MYO1E: variants seen among roughly 807,000 people sequenced by gnomAD.
MYO1E encodes unconventional myosin-Ie.
MYO1E carries 68 observed loss-of-function variants against 151.1 expected under a neutral mutation model. The ratio of observed to expected loss-of-function variants is 0.45; its 90% CI spans 0.37 to 0.55. MYO1E has a LOEUF of 0.55. Ranked by LOEUF, MYO1E falls within the 20% of genes least tolerant of loss-of-function variation. MYO1E has a pLI of 0.00. For synonymous variants in MYO1E, 601 were observed against 501.7 expected (o/e 1.20, Z -2.64); for missense variants, 1,363 against 1,389.3 (o/e 0.98, Z 0.30).
chr15:59,297,009 G>A (rs1393790611), intron 1 of MYO1E, among the ~76,000 whole-genome samples: 1 of 19,932 alleles, frequency 5.0e-5, no homozygotes, highest in African/African-American at 9.2e-5. Flanking sequence ...CCGGCTAATC[G>A]CCCGGCTAAT....
chr15:59,286,385 T>C (rs2080387951), intron 1 of MYO1E, among the ~76,000 whole-genome samples: 1 of 152,242 alleles, frequency 6.6e-6, no homozygotes, highest in Non-Finnish European at 1.5e-5. Context: ...GAATAAGAAC[T>C]CAATTTTTAA....
At chr15:59,326,532 T>C (rs1203955575) in intron 1 of MYO1E, among the ~76,000 whole-genome samples, 2 of 152,112 alleles carry the variant, frequency 1.3e-5, no homozygotes, top group African/African-American at 4.8e-5. Flanking sequence ...AAAAAAAGGA[T>C]TATTTGGGTG....
intron 10 of MYO1E, 129 bp downstream of exon 10, chr15:59,217,762 C>T: frequency 9.6e-7 from 1 of 1,040,144 alleles, no homozygotes; most frequent in Non-Finnish European, 1.5e-6. Context: ...TCCTGGGCTG[C>T]AGTGATCCTC....
At chr15:59,197,124 C>G (rs1398412465) in intron 16 of MYO1E, among the ~76,000 whole-genome samples, 1 of 150,932 alleles carries the variant, frequency 6.6e-6, no homozygotes, top group Non-Finnish European at 1.5e-5. Context: ...TCCCGAGTAG[C>G]TGGGACTACA....
rs1237441978 is a variant in MYO1E, at chr15:59,138,280, G to A, written c.3168C>T (p.Cys1056=). ...QPKPKPQVPQ[C]KALYAYDAQD... is the part of the protein sequence containing the mutation. ...GAGCGTCATAGGCATACAAAGCCTT[G>A]CACTGTGGCACCTGAGGCTTGGGCT... The change falls in exon 27 of 28, where the codon TGC becomes TGT. Residue 1056 remains cysteine, a synonymous_variant. Transcript: ENST00000288235. 6.2e-7 allele frequency: 1 copy of A among 1,614,098 alleles called. No homozygotes were observed. The highest frequency in any genetic ancestry group is 8.5e-7 in the Non-Finnish European group (1 of 1,180,026).
intron 1 of MYO1E, among the ~76,000 whole-genome samples, chr15:59,277,589 C>T (rs1194098738): frequency 6.8e-6 from 1 of 146,312 alleles, no homozygotes; most frequent in African/African-American, 2.6e-5. Context: ...AAGCCTCATC[C>T]TCTTTGAGCC....
At chr15:59,196,646 A>C (rs1257838795) in intron 16 of MYO1E, among the ~76,000 whole-genome samples, 1 of 152,210 alleles carries the variant, frequency 6.6e-6, no homozygotes, top group Non-Finnish European at 1.5e-5. Flanking sequence ...AAAACTATTG[A>C]GTATATTCAA....
chr15:59,337,199 T>TGG (rs1460975169), intron 1 of MYO1E, among the ~76,000 whole-genome samples: 1 of 152,176 alleles, frequency 6.6e-6, no homozygotes, highest in African/African-American at 2.4e-5. Context: ...AGGGAACTGA[T>TGG]TAAGATGACA....
At chr15:59,354,499 T>C (rs371204474) in intron 1 of MYO1E, among the ~76,000 whole-genome samples, 1 of 152,148 alleles carries the variant, frequency 6.6e-6, no homozygotes. Context: ...AAGCCCTCGC[T>C]TGGGGTCACA....
intron 9 of MYO1E, among the ~76,000 whole-genome samples, chr15:59,219,924 T>C (rs540226311): frequency 6.6e-6 from 1 of 152,346 alleles, no homozygotes; most frequent in African/African-American, 2.4e-5. Context: ...GAGAAACTTC[T>C]TTGCGATGTG....
Position 59,133,481 on chromosome 15 carries a change from TTAGAAAGGGTGCTCAGAG to T in MYO1E, c.*3881_*3898del, listed in dbSNP as rs879387564. 24 of 136,118 alleles carry T rather than the reference TTAGAAAGGGTGCTCAGAG, an allele frequency of 1.8e-4. No individual in the cohort carries two copies. The highest frequency in any genetic ancestry group is 4.9e-4 in the East Asian group (2 of 4,100). 8.4% of individuals were successfully genotyped at this position (136,118 alleles called of 1,614,324 possible). On this transcript the variant is annotated 3_prime_UTR_variant, in exon 28 of 28. Transcript: ENST00000288235. ...GAACCATACTGAGCCAGTCTTCTTG[TTAGAAAGGGTGCTCAGAG>T]TGGAAAGGTATGATCTAGTAGGGAA...
intron 1 of MYO1E, among the ~76,000 whole-genome samples, chr15:59,371,922 T>G (rs1186622863): frequency 6.6e-6 from 1 of 150,638 alleles, no homozygotes; most frequent in African/African-American, 2.4e-5. Context: ...CCTGCCTTTG[T>G]GCGGCCCGCG....
At chr15:59,202,493 G>C in intron 15 of MYO1E, 86 bp from the exon 16 acceptor site, 2 of 1,207,900 alleles carry the variant, frequency 1.7e-6, no homozygotes, top group Non-Finnish European at 2.5e-6. Context: ...GGGGTGAAGG[G>C]CCGTCCCCAG....
intron 1 of MYO1E, among the ~76,000 whole-genome samples, chr15:59,316,575 T>C (rs1465561668): frequency 6.6e-6 from 1 of 152,236 alleles, no homozygotes. Context: ...AATAACTGCA[T>C]ACGCTTTTTT....
At chr15:59,155,445 GAC>G (rs2079504442) in intron 25 of MYO1E, among the ~76,000 whole-genome samples, 3 of 152,166 alleles carry the variant, frequency 2.0e-5, no homozygotes, top group Admixed American at 1.3e-4. Flanking sequence ...TTTCACCACA[GAC>G]AGTTTGAGAA....
intron 17 of MYO1E, among the ~76,000 whole-genome samples, chr15:59,189,345 CACTGT>C (rs1365025288): frequency 3.3e-5 from 5 of 152,164 alleles, no homozygotes; most frequent in Non-Finnish European, 7.4e-5. Flanking sequence ...AGGCATGAGC[CACTGT>C]ACTCGGCGTG....
intron 4 of MYO1E, among the ~76,000 whole-genome samples, chr15:59,241,373 A>C (rs2080098747): frequency 6.6e-6 from 1 of 152,166 alleles, no homozygotes; most frequent in South Asian, 2.1e-4. Context: ...AAGAAACAAC[A>C]ACTATAATAA....
At chr15:59,170,895 C>T (rs967978061) in intron 22 of MYO1E, among the ~76,000 whole-genome samples, 16 of 152,108 alleles carry the variant, frequency 1.1e-4, no homozygotes, top group African/African-American at 3.6e-4. Flanking sequence ...TTTTCCTGAG[C>T]GCACCAGTTT....
At chr15:59,143,046 G>T (rs984114671) in intron 26 of MYO1E, among the ~76,000 whole-genome samples, 1 of 151,848 alleles carries the variant, frequency 6.6e-6, no homozygotes, top group Non-Finnish European at 1.5e-5. Context: ...GATGCAGGAC[G>T]CAAAAAGCTG....
Sources: gnomAD v4.1 joint callset for allele counts (sites outside exome capture counted in the v4.1 genomes callset) on GRCh38, gnomAD v4.1.1 for gene constraint, MANE v1.5 for transcripts, NCBI Gene and HGNC (gene_info 2026-07-23, HGNC 2026-07-21) for gene names.